PRTFDC1: variants seen among roughly 807,000 people sequenced by gnomAD.
PRTFDC1 encodes the protein phosphoribosyltransferase domain-containing protein 1.
In PRTFDC1, 38 loss-of-function variants were observed where a neutral mutation model predicts 34.6. The observed-to-expected ratio is 1.10, with a 90% CI of 0.85 to 1.44. The LOEUF is 1.44. Among genes scored for constraint, PRTFDC1 ranks in the 40% most tolerant of loss-of-function variants. The pLI is 0.00. For missense variants in PRTFDC1, 270 were observed against 283.0 expected (o/e 0.95, Z 0.33); for synonymous variants, 93 against 98.1 (o/e 0.95, Z 0.31).
intron 3 of PRTFDC1, among the ~76,000 whole-genome samples, chr10:24,920,467 G>A (rs1403942311): frequency 1.3e-5 from 2 of 152,142 alleles, no homozygotes; most frequent in Non-Finnish European, 2.9e-5. Context: ...TCATTTACAA[G>A]TGGGAGCTGA....
intron 4 of PRTFDC1, among the ~76,000 whole-genome samples, chr10:24,863,996 A>G (rs1415843570): frequency 1.4e-5 from 2 of 143,028 alleles, no homozygotes; most frequent in Non-Finnish European, 3.0e-5. Context: ...CACCAGCGAC[A>G]GAGCAACAAC....
At chr10:24,920,748 T>A (rs969722722) in intron 3 of PRTFDC1, among the ~76,000 whole-genome samples, 3 of 152,310 alleles carry the variant, frequency 2.0e-5, no homozygotes, top group African/African-American at 7.2e-5. Context: ...GTATTCTGCA[T>A]AGAGTAGTCT....
intron 3 of PRTFDC1, among the ~76,000 whole-genome samples, chr10:24,875,111 A>C (rs1847939709): frequency 6.6e-6 from 1 of 152,154 alleles, no homozygotes; most frequent in African/African-American, 2.4e-5. Context: ...ACCCAGTCTC[A>C]GGTATGTGTT....
At chr10:24,928,340 T>C (rs1848912510) in intron 3 of PRTFDC1, among the ~76,000 whole-genome samples, 1 of 152,182 alleles carries the variant, frequency 6.6e-6, no homozygotes, top group Non-Finnish European at 1.5e-5. Flanking sequence ...TGAGGAACTC[T>C]TCTACTATCT....
chr10:24,874,046 T>C (rs933343877), intron 3 of PRTFDC1, among the ~76,000 whole-genome samples: 2 of 151,812 alleles, frequency 1.3e-5, no homozygotes, highest in South Asian at 4.2e-4. Context: ...TAGCTGGGAC[T>C]GCAGGTGCTC....
At chr10:24,872,899 C>T (rs951945251) in intron 3 of PRTFDC1, among the ~76,000 whole-genome samples, 1 of 149,296 alleles carries the variant, frequency 6.7e-6, no homozygotes, top group African/African-American at 2.5e-5. Flanking sequence ...CCTCAATCTC[C>T]CAGGCTCAAG....
At chr10:24,928,773 C>CAA (rs979462174) in intron 3 of PRTFDC1, among the ~76,000 whole-genome samples, 2 of 151,506 alleles carry the variant, frequency 1.3e-5, no homozygotes, top group Non-Finnish European at 2.9e-5. Context: ...CGCAGTGGCT[C>CAA]ACGCCTGTAA....
intron 3 of PRTFDC1, among the ~76,000 whole-genome samples, chr10:24,917,035 C>T (rs1479446693): frequency 6.6e-6 from 1 of 152,174 alleles, no homozygotes; most frequent in African/African-American, 2.4e-5. Flanking sequence ...GTCCCCTTCC[C>T]CTTTGCCATC....
chr10:24,928,279 A>G (rs1848911699), intron 3 of PRTFDC1, among the ~76,000 whole-genome samples: 1 of 151,506 alleles, frequency 6.6e-6, no homozygotes, highest in African/African-American at 2.4e-5. Context: ...GTGTGTGTGC[A>G]TGTGCTTACC....
In PRTFDC1 at chr10:24,851,563, C is replaced by T. The variant is rs532485031; in HGVS notation, c.554-99G>A. 4.0e-5 allele frequency: 60 copies of T among 1,516,294 alleles called. No homozygotes were observed. In the African/African-American group the frequency reaches 7.6e-4, roughly 19 times the overall value. The allele number at this position is 1,516,294 out of a possible 1,614,324, so 93.9% of individuals were successfully genotyped here. A position where few individuals can be genotyped will look rare whatever the true frequency, so the allele number is the denominator to read the frequency against. ...GCTGTCGCCACTCAAACTTGAGGAC[C>T]TTTCATTGAGGCAGGAGGGAGTGAG... On this transcript the variant is annotated intron_variant, in intron 7 of 8. Coordinates refer to ENST00000320152, the MANE Select transcript of PRTFDC1 (RefSeq NM_020200.7).
intron 3 of PRTFDC1, among the ~76,000 whole-genome samples, chr10:24,919,356 A>G (rs1408331133): frequency 6.6e-6 from 1 of 152,232 alleles, no homozygotes; most frequent in Non-Finnish European, 1.5e-5. Context: ...GATCTTTGAC[A>G]AACCAGACAA....
chr10:24,858,801 T>G (rs1847625646), intron 4 of PRTFDC1, among the ~76,000 whole-genome samples: 1 of 152,150 alleles, frequency 6.6e-6, no homozygotes, highest in African/African-American at 2.4e-5. Flanking sequence ...GAGACCGTGC[T>G]CGGTAAATGC....
intron 2 of PRTFDC1, 108 bp downstream of exon 2, chr10:24,942,222 A>C: frequency 1.2e-6 from 1 of 835,484 alleles, no homozygotes; most frequent in Non-Finnish European, 2.0e-6. Flanking sequence ...TCTCTCTACC[A>C]CTATAAAACG....
At chr10:24,885,572 A>AT (rs941852080) in intron 3 of PRTFDC1, among the ~76,000 whole-genome samples, 6 of 152,044 alleles carry the variant, frequency 3.9e-5, no homozygotes, top group Non-Finnish European at 7.4e-5. Context: ...TGCCAGGCTA[A>AT]TTTTTTTACT....
At chr10:24,858,976 A>T (rs936296883) in intron 4 of PRTFDC1, among the ~76,000 whole-genome samples, 1 of 152,146 alleles carries the variant, frequency 6.6e-6, no homozygotes, top group South Asian at 2.1e-4. Context: ...ATTCTTTGCA[A>T]CAAGCTCTCA....
intron 3 of PRTFDC1, among the ~76,000 whole-genome samples, chr10:24,877,114 C>A (rs1847979903): frequency 6.6e-6 from 1 of 152,088 alleles, no homozygotes; most frequent in Non-Finnish European, 1.5e-5. Flanking sequence ...AGTGATAGTC[C>A]CCTCCACAGG....
At chr10:24,898,056 A>G (rs1292072428) in intron 3 of PRTFDC1, among the ~76,000 whole-genome samples, 1 of 152,192 alleles carries the variant, frequency 6.6e-6, no homozygotes, top group East Asian at 1.9e-4. Context: ...GTGATCTTGT[A>G]AAGTACTTTT....
intron 3 of PRTFDC1, among the ~76,000 whole-genome samples, chr10:24,907,727 G>A (rs1297288501): frequency 1.3e-5 from 2 of 152,122 alleles, no homozygotes; most frequent in African/African-American, 4.8e-5. Context: ...TGAATATCCT[G>A]GGTAGCTTCA....
rs1239870116 is a variant in PRTFDC1, at chr10:24,919,859, C to A, written c.339+17325G>T. Among the ~76,000 whole-genome samples the A allele has an allele frequency of 5.3e-5, 8 of 151,772 alleles. No homozygotes were observed. The South Asian group carries it at 6.3e-4, about 12-fold the overall frequency. The stretch of plus-strand genomic sequence containing the variant: ...CAAAAGAAGACATTTAAGTGGCCAA[C>A]AAACATGAAAAAAAACTCAACATCA... On this transcript the variant is annotated intron_variant, in intron 3 of 8. Coordinates refer to ENST00000320152, the MANE Select transcript of PRTFDC1 (RefSeq NM_020200.7).
Sources: gnomAD v4.1 joint callset for allele counts (sites outside exome capture counted in the v4.1 genomes callset) on GRCh38, gnomAD v4.1.1 for gene constraint, MANE v1.5 for transcripts, NCBI Gene and HGNC (gene_info 2026-07-23, HGNC 2026-07-21) for gene names.